Variants in TMEM74 observed in about 807,000 individuals in gnomAD.
TMEM74 encodes transmembrane protein 74.
A neutral mutation model predicts 18.1 loss-of-function variants in TMEM74; 13 were observed. That is an observed-to-expected ratio of 0.72 (90% CI 0.47 to 1.14). The LOEUF (loss-of-function observed/expected upper bound fraction) is 1.14, where lower values mean the gene tolerates loss of function less well. Ranked by LOEUF, TMEM74 falls within the 50% of genes most tolerant of loss-of-function variation. TMEM74 has a pLI of 0.00. For synonymous variants in TMEM74, 159 were observed against 146.6 expected, an observed-to-expected ratio of 1.08 and a Z score of -0.61; for missense variants, 372 against 375.9, an observed-to-expected ratio of 0.99 and a Z score of 0.09.
At position 108,784,762 on chromosome 8, in the gene TMEM74, A is replaced by G; in HGVS notation, c.337T>C (p.Tyr113His). 1 of 1,614,152 alleles carries G rather than the reference A, an allele frequency of 6.2e-7. No homozygotes were observed. Among genetic ancestry groups the G allele is most frequent in the Non-Finnish European group, 8.5e-7 (1 of 1,180,036 alleles). ...CSQELETSFT[Y>H]VDKNINLEQR... ...TCCAAGTTGATGTTTTTGTCCACATAGGTAAAAGAAGTTTCTAATTCCTGG... is the reference window on the plus strand; with the variant it reads ...TCCAAGTTGATGTTTTTGTCCACATGGGTAAAAGAAGTTTCTAATTCCTGG... Residue 113 changes from tyrosine (Y) to histidine (H), a missense_variant, in exon 2 of 2, where the codon TAT (tyrosine) becomes CAT (histidine). Physicochemically the swap from Tyr to His is moderately conservative, Grantham distance 83. Transcript: ENST00000297459.
chr8:108,657,901 T>TA (rs1563742377), intron 1 of TMEM74, among the ~76,000 whole-genome samples: 7 of 113,796 alleles, frequency 6.2e-5, no homozygotes, highest in African/African-American at 2.4e-4. Context: ...TATATATATA[T>TA]ATTAATTACA....
At chr8:108,764,348 A>G (rs967274316) in intron 1 of TMEM74, among the ~76,000 whole-genome samples, 2 of 152,202 alleles carry the variant, frequency 1.3e-5, no homozygotes, top group Non-Finnish European at 2.9e-5. Context: ...AACTAAAACA[A>G]ACAAAAACCT....
chr8:108,615,720 C>G (rs1563732671), intron 2 of TMEM74, among the ~76,000 whole-genome samples: 1 of 151,552 alleles, frequency 6.6e-6, no homozygotes. Flanking sequence ...AAGACCTCAG[C>G]ATGTCCCGTG....
chr8:108,704,252 T>C (rs1401791747), intron 1 of TMEM74, among the ~76,000 whole-genome samples: 1 of 152,204 alleles, frequency 6.6e-6, no homozygotes, highest in African/African-American at 2.4e-5. Flanking sequence ...GGGACAGGGT[T>C]ATAGATATTT....
At chr8:108,607,172 C>T (rs1193440342) in exon 4 of TMEM74, 1 of 152,096 alleles carries the variant, frequency 6.6e-6, no homozygotes, top group Non-Finnish European at 1.5e-5. Context: ...ACAGGGCCTC[C>T]CAGATTCAAG....
intron 1 of TMEM74, among the ~76,000 whole-genome samples, chr8:108,756,699 G>GAAAGAAAGAAAGAAA (rs1563543826): frequency 1.1e-4 from 5 of 44,452 alleles, no homozygotes; most frequent in South Asian, 9.5e-4. Context: ...AAAGAAAGAA[G>GAAAGAAAGAAAGAAA]GAAGGAAAGA....
Position 108,616,505 on chromosome 8 carries a change from G to A in TMEM74, n.265-7679C>T, listed in dbSNP as rs144397044. On this transcript the variant is annotated intron_variant and non_coding_transcript_variant, in intron 2 of 3. Coordinates refer to the TMEM74 transcript ENST00000518838. ...AGTATTTAGTGGAAAGGTTGGGAGAGATTTTTTTAAATAGGCAATTCTGAT... is the reference window on the plus strand; with the variant it reads ...AGTATTTAGTGGAAAGGTTGGGAGAAATTTTTTTAAATAGGCAATTCTGAT... Among the ~76,000 whole-genome samples, 1,137 of 152,252 alleles carry A rather than the reference G, an allele frequency of 7.5e-3. 10 individuals are homozygous for A. The highest frequency in any genetic ancestry group is 0.012 in the Non-Finnish European group (834 of 67,996).
intron 2 of TMEM74, among the ~76,000 whole-genome samples, chr8:108,623,716 C>T (rs1403543591): frequency 6.6e-6 from 1 of 151,990 alleles, no homozygotes; most frequent in African/African-American, 2.4e-5. Context: ...TGTTAATTTA[C>T]TAGTTTTGAT....
At chr8:108,752,148 G>T (rs141631679) in intron 1 of TMEM74, among the ~76,000 whole-genome samples, 1 of 152,102 alleles carries the variant, frequency 6.6e-6, no homozygotes, top group Admixed American at 6.6e-5. Context: ...CAATATTAAA[G>T]ATGCAGTGGT....
At chr8:108,660,954 G>A (rs541579925) in intron 1 of TMEM74, among the ~76,000 whole-genome samples, 1 of 152,196 alleles carries the variant, frequency 6.6e-6, no homozygotes, top group East Asian at 1.9e-4. Flanking sequence ...CTAAATAAGG[G>A]AGGTTAGGAT....
chr8:108,672,371 AT>A (rs1328411906), intron 1 of TMEM74, among the ~76,000 whole-genome samples: 5 of 152,220 alleles, frequency 3.3e-5, no homozygotes, highest in African/African-American at 1.2e-4. Flanking sequence ...AATCATCCAG[AT>A]GTTTCCAGAA....
chr8:108,713,266 T>G (rs1813491051), intron 1 of TMEM74, among the ~76,000 whole-genome samples: 1 of 152,038 alleles, frequency 6.6e-6, no homozygotes, highest in African/African-American at 2.4e-5. Flanking sequence ...GAGACAAGAA[T>G]AGACTGAGAT....
chr8:108,738,214 TCTA>T (rs1813767026), intron 1 of TMEM74, among the ~76,000 whole-genome samples: 1 of 152,194 alleles, frequency 6.6e-6, no homozygotes, highest in Admixed American at 6.5e-5. Context: ...GTCCCACCTC[TCTA>T]CTAAGCTTAA....
rs1224412717 is a variant in TMEM74, at chr8:108,782,479, T to G, written c.*1702A>C. Among the ~76,000 whole-genome samples, 1 of 152,224 alleles carries G rather than the reference T, an allele frequency of 6.6e-6. No individual in the cohort carries two copies. Among genetic ancestry groups the G allele is most frequent in the Non-Finnish European group, 1.5e-5 (1 of 68,044 alleles). On this transcript the variant is annotated 3_prime_UTR_variant, in exon 2 of 2. Coordinates refer to ENST00000297459, the MANE Select transcript of TMEM74 (RefSeq NM_153015.3). ...ATGCCCATCCTCTCTTTTTACTATCTTCTGAGCCTCCCTTTTTGTATTTCA... is the reference window on the plus strand; with the variant it reads ...ATGCCCATCCTCTCTTTTTACTATCGTCTGAGCCTCCCTTTTTGTATTTCA...
In TMEM74 at chr8:108,648,550, C is replaced by T. The variant is rs571608611; in HGVS notation, n.264+6743G>A. 2.6e-5 allele frequency among the ~76,000 whole-genome samples: 4 copies of T among 152,216 alleles called. No individual in the cohort carries two copies. In the East Asian group the frequency reaches 7.7e-4, roughly 29 times the overall value. On this transcript the variant is annotated intron_variant and non_coding_transcript_variant, in intron 2 of 3. Coordinates refer to the TMEM74 transcript ENST00000518838. ...AGCATTTTAAGATGGGAGGATTATC[C>T]TGGATCATCTTGGTGCGTTTATTAT...
At chr8:108,742,640 T>A (rs1481042082) in intron 1 of TMEM74, among the ~76,000 whole-genome samples, 1 of 152,210 alleles carries the variant, frequency 6.6e-6, no homozygotes, top group Non-Finnish European at 1.5e-5. Context: ...GTCACATATG[T>A]TAACTGTTAA....
At chr8:108,626,665 C>T (rs1210295616) in intron 2 of TMEM74, 5 of 152,016 alleles carry the variant, frequency 3.3e-5, no homozygotes, top group East Asian at 1.9e-4. Flanking sequence ...ACAACGTTAT[C>T]GTTCTTCCTG....
chr8:108,697,424 T>G (rs928593630), intron 1 of TMEM74, among the ~76,000 whole-genome samples: 1 of 152,108 alleles, frequency 6.6e-6, no homozygotes, highest in Non-Finnish European at 1.5e-5. Context: ...TTTATTTTAT[T>G]TTATGTTTTT....
intron 2 of TMEM74, among the ~76,000 whole-genome samples, chr8:108,624,587 T>C (rs376438449): frequency 2.6e-4 from 40 of 152,248 alleles, no homozygotes; most frequent in African/African-American, 7.9e-4. Flanking sequence ...ATTTAAGGTA[T>C]ACATAGTCTC....
Sources: allele counts gnomAD v4.1 joint callset (sites outside exome capture counted in the v4.1 genomes callset), GRCh38; gene constraint gnomAD v4.1.1; transcripts MANE v1.5; gene names NCBI Gene and HGNC (gene_info 2026-07-23, HGNC 2026-07-21).